Variants in ZBTB37 observed in about 807,000 individuals in gnomAD.
ZBTB37 encodes the protein zinc finger and BTB domain-containing protein 37.
Under a neutral mutation model 37.7 loss-of-function variants are expected in ZBTB37, and 15 were observed. That is an observed-to-expected ratio of 0.40 (90% CI 0.27 to 0.61). The LOEUF is 0.61. ZBTB37 is among the 20% of genes least tolerant of loss of function. The pLI, the probability that ZBTB37 is intolerant of heterozygous loss-of-function variation, is 0.44. For synonymous variants in ZBTB37, 231 were observed against 220.6 expected, an observed-to-expected ratio of 1.05 and a Z score of -0.42; for missense variants, 514 against 641.9, an observed-to-expected ratio of 0.80 and a Z score of 2.15.
intron 4 of ZBTB37, among the ~76,000 whole-genome samples, chr1:173,878,401 G>A (rs1386911895): frequency 6.6e-6 from 1 of 152,054 alleles, no homozygotes. Context: ...CTTTGTTTAT[G>A]CATTCTATTT....
In ZBTB37 at chr1:173,868,378, C is replaced by G. The variant is rs188282970; in HGVS notation, c.-253C>G. The G allele has an allele frequency of 4.6e-5, 7 of 153,308 alleles. No individual in the cohort carries two copies. Among genetic ancestry groups the G allele is most frequent in the Non-Finnish European group, 8.7e-5 (6 of 68,662 alleles). 9.5% of individuals were successfully genotyped at this position (153,308 alleles called of 1,614,324 possible). A position where few individuals can be genotyped will look rare whatever the true frequency, so the allele number is the denominator to read the frequency against. Reference sequence around the variant, plus strand: ...TTCACTTCCGGGACGGTGTTCCGGCCCATTCCGGCCCATTTCCACCCCCGG... The same window carrying G: ...TTCACTTCCGGGACGGTGTTCCGGCGCATTCCGGCCCATTTCCACCCCCGG... On this transcript the variant is annotated 5_prime_UTR_variant, in exon 1 of 5. Transcript: ENST00000427304.
chr1:173,889,097 A>C (rs1179926168), downstream of ZBTB37: 1 of 152,252 alleles, frequency 6.6e-6, no homozygotes, highest in Non-Finnish European at 1.5e-5. Context: ...AAATTCATGA[A>C]AATTTAAGGC....
intron 3 of ZBTB37, among the ~76,000 whole-genome samples, chr1:173,872,121 T>C (rs1572049891): frequency 6.6e-6 from 1 of 152,304 alleles, no homozygotes; most frequent in African/African-American, 2.4e-5. Flanking sequence ...CAGGCTGGAG[T>C]GCAGTGGTGC....
rs990132165 is a variant in ZBTB37 at position 173,880,944 on chromosome 1, CT to C, written c.1024-4685del. Among the ~76,000 whole-genome samples, 155 of 149,658 alleles carry C rather than the reference CT, an allele frequency of 1.0e-3. 1 individual carries two copies. The highest frequency in any genetic ancestry group is 3.6e-3 in the African/African-American group (147 of 40,696). ...ACCTTCCTTAGAGTTGGGGAGATTT[CT>C]TTTTTTCTCTTTTTTTTTTTTAATT... On this transcript the variant is annotated intron_variant, in intron 4 of 4. Transcript: ENST00000427304.
intron 4 of ZBTB37, among the ~76,000 whole-genome samples, chr1:173,883,350 C>T (rs1379184553): frequency 6.6e-6 from 1 of 152,024 alleles, no homozygotes; most frequent in East Asian, 1.9e-4. Flanking sequence ...CATGGTGGTG[C>T]GTTCTGTAAT....
exon 4 of ZBTB37, chr1:173,902,722 G>A (rs1241526360): frequency 6.6e-6 from 1 of 152,056 alleles, no homozygotes; most frequent in Non-Finnish European, 1.5e-5. Context: ...GAAAAAAAAT[G>A]CACTTTAATT....
rs1190308774 is a variant in ZBTB37 at position 173,886,029 on chromosome 1, C to T, written c.1417C>T (p.Arg473Ter). 22 of 1,551,612 alleles carry T rather than the reference C, an allele frequency of 1.4e-5. No individual in the cohort carries two copies. Among genetic ancestry groups the T allele is most frequent in the Non-Finnish European group, 1.9e-5 (22 of 1,147,014 alleles). Residue 473 changes from arginine to a stop codon, truncating the protein, a stop_gained, in exon 5 of 5, where the codon CGA becomes TGA. Coordinates refer to ENST00000427304, the Ensembl canonical transcript of ZBTB37. LOFTEE classifies it high-confidence loss of function. The stretch of plus-strand genomic sequence containing the variant: ...CTCCCCTGAAACAACTGTCACATCT[C>T]GAGGACAAGCTGAGGAAGAGTCACC...
intron 4 of ZBTB37, among the ~76,000 whole-genome samples, chr1:173,884,322 T>C (rs1174055131): frequency 6.6e-6 from 1 of 151,940 alleles, no homozygotes; most frequent in Admixed American, 6.6e-5. Context: ...CCAGCTAATT[T>C]TTTATTGTTA....
chr1:173,894,978 A>G (rs1254536745), exon 4 of ZBTB37: 2 of 152,164 alleles, frequency 1.3e-5, no homozygotes, highest in Non-Finnish European at 2.9e-5. Context: ...CATTTATCTT[A>G]TAGCAAAATT....
At chr1:173,888,491 A>C (rs1465058177), downstream of ZBTB37, 1 of 145,318 alleles carries the variant, frequency 6.9e-6, no homozygotes, top group Non-Finnish European at 1.5e-5. Flanking sequence ...GCAGTGGTGC[A>C]ATCATAGCTC....
At chr1:173,873,420 T>C in intron 3 of ZBTB37, 47 bp from the exon 4 acceptor site, 2 of 1,522,712 alleles carry the variant, frequency 1.3e-6, no homozygotes. Context: ...TTCAGGTTCT[T>C]TGATGCTGCT....
exon 4 of ZBTB37, chr1:173,896,408 CT>C (rs1657049222): frequency 6.6e-6 from 1 of 152,168 alleles, no homozygotes; most frequent in South Asian, 2.1e-4. Context: ...AATGAAAAAT[CT>C]TAATGATGAT....
exon 4 of ZBTB37, chr1:173,899,969 G>C (rs1657196147): frequency 6.6e-6 from 1 of 152,146 alleles, no homozygotes; most frequent in Non-Finnish European, 1.5e-5. Context: ...TCCTTCTCTA[G>C]AATCCTCTTT....
exon 4 of ZBTB37, chr1:173,892,311 A>G (rs943619131): frequency 6.6e-6 from 1 of 152,230 alleles, no homozygotes; most frequent in African/African-American, 2.4e-5. Context: ...TTTTCCAAGC[A>G]TTATGACTTC....
At chr1:173,901,765 A>G (rs1657269655) in exon 4 of ZBTB37, 1 of 152,212 alleles carries the variant, frequency 6.6e-6, no homozygotes. Context: ...GGCTCCTCAT[A>G]ATTTCTGAAT....
intron 4 of ZBTB37, among the ~76,000 whole-genome samples, chr1:173,875,165 T>G (rs12044230): frequency 0.19 from 27,247 of 145,590 alleles, 3,258 homozygotes; most frequent in East Asian, 0.33. Flanking sequence ...TGTGTGCACG[T>G]GTGTACTGTA....
exon 4 of ZBTB37, chr1:173,893,753 A>G (rs531254869): frequency 5.3e-5 from 8 of 152,354 alleles, no homozygotes; most frequent in South Asian, 2.1e-4. Context: ...CCTTATGACA[A>G]TCCCATGAGG....
At chr1:173,889,474 G>A (rs566945077), downstream of ZBTB37, 7 of 152,338 alleles carry the variant, frequency 4.6e-5, no homozygotes, top group South Asian at 2.1e-4. Flanking sequence ...CAAACACTGG[G>A]ACTGTTTTCA....
chr1:173,890,985 T>C (rs1468825784), downstream of ZBTB37: 1 of 152,224 alleles, frequency 6.6e-6, no homozygotes, highest in Non-Finnish European at 1.5e-5. Flanking sequence ...TTTAAATTCA[T>C]GTTGTCACAT....
Sources: gnomAD v4.1 joint callset for allele counts (sites outside exome capture counted in the v4.1 genomes callset) on GRCh38, gnomAD v4.1.1 for gene constraint, MANE v1.5 for transcripts, NCBI Gene and HGNC (gene_info 2026-07-23, HGNC 2026-07-21) for gene names.